LRRC4C: variants seen among roughly 807,000 people sequenced by gnomAD.
LRRC4C encodes leucine rich repeat containing 4C.
LRRC4C carries 5 observed loss-of-function variants against 33.6 expected under a neutral mutation model. The observed-to-expected ratio is 0.15, with a 90% CI of 0.08 to 0.31. The LOEUF (loss-of-function observed/expected upper bound fraction) is 0.31, where lower values mean the gene tolerates loss of function less well. Ranked by LOEUF, LRRC4C falls within the 10% of genes least tolerant of loss-of-function variation. The probability of loss-of-function intolerance (pLI) is 1.00; values close to 1 mark genes in which losing one functional copy is unlikely to be tolerated. For missense variants in LRRC4C, 560 were observed against 796.7 expected, an observed-to-expected ratio of 0.70 and a Z score of 3.58; for synonymous variants, 329 against 302.0, an observed-to-expected ratio of 1.09 and a Z score of -0.93.
intron 1 of LRRC4C, among the ~76,000 whole-genome samples, chr11:40,957,208 A>G (rs1273488066): frequency 2.6e-5 from 4 of 151,732 alleles, no homozygotes; most frequent in African/African-American, 9.7e-5. Context: ...TTCTTTTTCT[A>G]AAAGGTTTTG....
chr11:40,967,088 T>C (rs1384438252), intron 1 of LRRC4C, among the ~76,000 whole-genome samples: 1 of 151,924 alleles, frequency 6.6e-6, no homozygotes, highest in Non-Finnish European at 1.5e-5. Context: ...ATTCACTTTA[T>C]CACCAAATTT....
chr11:40,257,138 C>T (rs965333645), intron 4 of LRRC4C, among the ~76,000 whole-genome samples: 4 of 152,022 alleles, frequency 2.6e-5, no homozygotes, highest in Non-Finnish European at 2.9e-5. Flanking sequence ...AAGCAGTGGC[C>T]ACCCAATTAT....
intron 6 of LRRC4C, among the ~76,000 whole-genome samples, chr11:40,131,055 C>A (rs1490473283): frequency 1.3e-5 from 2 of 152,168 alleles, no homozygotes; most frequent in Non-Finnish European, 2.9e-5. Context: ...GGAATGTGTT[C>A]AACCTATTTC....
At chr11:40,786,856 AC>A (rs904851607) in intron 2 of LRRC4C, among the ~76,000 whole-genome samples, 1 of 148,722 alleles carries the variant, frequency 6.7e-6, no homozygotes, top group South Asian at 2.1e-4. Flanking sequence ...CATCTCCCCC[AC>A]CCCCCATCCA....
chr11:41,326,857 C>T (rs879280898), intron 1 of LRRC4C, among the ~76,000 whole-genome samples: 20 of 152,192 alleles, frequency 1.3e-4, no homozygotes, highest in Admixed American at 6.5e-4. Flanking sequence ...ATACCTATAA[C>T]TCCCGATACT....
chr11:41,315,259 A>G (rs1286412502), intron 1 of LRRC4C, among the ~76,000 whole-genome samples: 1 of 152,180 alleles, frequency 6.6e-6, no homozygotes, highest in East Asian at 1.9e-4. Context: ...GATGGTCCCC[A>G]ATGATCGTCA....
chr11:40,302,049 A>G (rs1001576239), intron 4 of LRRC4C, among the ~76,000 whole-genome samples: 1 of 152,254 alleles, frequency 6.6e-6, no homozygotes, highest in African/African-American at 2.4e-5. Context: ...TTGATTCACT[A>G]TACATATCTA....
chr11:41,317,281 A>G (rs913937583), intron 1 of LRRC4C, among the ~76,000 whole-genome samples: 5 of 152,264 alleles, frequency 3.3e-5, no homozygotes, highest in African/African-American at 1.2e-4. Context: ...ATGAGAAAGA[A>G]TAATATCGAT....
intron 1 of LRRC4C, among the ~76,000 whole-genome samples, chr11:41,121,590 T>A (rs762731114): frequency 4.6e-5 from 7 of 152,054 alleles, no homozygotes; most frequent in Non-Finnish European, 1.0e-4. Context: ...TATAATCAAG[T>A]GGAGAATTTA....
At chr11:40,642,617 T>C (rs1942192219) in intron 3 of LRRC4C, among the ~76,000 whole-genome samples, 1 of 152,236 alleles carries the variant, frequency 6.6e-6, no homozygotes, top group South Asian at 2.1e-4. Flanking sequence ...TTGATAATTA[T>C]TTCTGTATCA....
chr11:41,204,518 TCC>T (rs1277100193), intron 1 of LRRC4C, among the ~76,000 whole-genome samples: 3 of 149,852 alleles, frequency 2.0e-5, no homozygotes, highest in Non-Finnish European at 4.5e-5. Context: ...ACTGCTTTTT[TCC>T]TATGGGAAAG....
In LRRC4C at chr11:40,535,885, C is replaced by T. The variant is rs115833400; in HGVS notation, c.-270+112257G>A. On this transcript the variant is annotated intron_variant, in intron 3 of 6. Coordinates refer to ENST00000528697, the MANE Select transcript of LRRC4C (RefSeq NM_001258419.2). ...GATTAAAAGGAAGCATTGCACCTAA[C>T]TTACTGTACTTTTTCCAAAAGGCTT... is the stretch of plus-strand genomic sequence containing the variant. 2.9e-3 allele frequency among the ~76,000 whole-genome samples: 438 copies of T among 152,310 alleles called. 3 individuals are homozygous for T. Among genetic ancestry groups the T allele is most frequent in the African/African-American group, 0.01 (418 of 41,574 alleles).
intron 1 of LRRC4C, among the ~76,000 whole-genome samples, chr11:41,083,923 A>C (rs886167237): frequency 6.6e-6 from 1 of 152,248 alleles, no homozygotes; most frequent in African/African-American, 2.4e-5. Flanking sequence ...CCTTGATGTC[A>C]CATGCTTTTG....
At chr11:40,604,771 G>A (rs1290421317) in intron 3 of LRRC4C, among the ~76,000 whole-genome samples, 2 of 151,158 alleles carry the variant, frequency 1.3e-5, no homozygotes, top group South Asian at 2.1e-4. Context: ...TAAAAAGGAT[G>A]GATAAAATAA....
At chr11:40,707,877 C>G (rs1223719753) in intron 2 of LRRC4C, among the ~76,000 whole-genome samples, 2 of 152,148 alleles carry the variant, frequency 1.3e-5, no homozygotes, top group East Asian at 1.9e-4. Flanking sequence ...TAATTATTGC[C>G]TCAATTTCAG....
Position 40,731,592 on chromosome 11 carries a change from A to T in LRRC4C, c.-406-83314T>A, listed in dbSNP as rs550898264. On this transcript the variant is annotated intron_variant, in intron 2 of 6. Coordinates refer to ENST00000528697, the MANE Select transcript of LRRC4C (RefSeq NM_001258419.2). ...AATGGCCTAGTACACTCCCATTACG[A>T]CATTATTCTTTCTTTACCCCTTCAC... is the stretch of plus-strand genomic sequence containing the variant. 2.6e-5 allele frequency among the ~76,000 whole-genome samples: 4 copies of T among 152,246 alleles called. No homozygotes were observed. In the East Asian group the frequency reaches 7.7e-4, roughly 29 times the overall value.
At chr11:40,560,813 C>T (rs904114216) in intron 3 of LRRC4C, among the ~76,000 whole-genome samples, 14 of 152,124 alleles carry the variant, frequency 9.2e-5, no homozygotes, top group Non-Finnish European at 1.8e-4. Flanking sequence ...TTTAAAGTCA[C>T]AGATAATCTG....
At chr11:41,076,482 CGA>C (rs1463279110) in intron 1 of LRRC4C, among the ~76,000 whole-genome samples, 5 of 152,106 alleles carry the variant, frequency 3.3e-5, no homozygotes, top group Admixed American at 1.3e-4. Context: ...AGCAGGAGAG[CGA>C]GAGAGTGAAG....
chr11:40,930,133 A>C (rs1445523271), intron 2 of LRRC4C, among the ~76,000 whole-genome samples: 1 of 152,314 alleles, frequency 6.6e-6, no homozygotes, highest in East Asian at 1.9e-4. Context: ...TACCACTTCT[A>C]GTCCAGAAGG....
Sources: allele counts gnomAD v4.1 joint callset (sites outside exome capture counted in the v4.1 genomes callset), GRCh38; gene constraint gnomAD v4.1.1; transcripts MANE v1.5; gene names NCBI Gene and HGNC (gene_info 2026-07-23, HGNC 2026-07-21).